The following TCERG1L variants were observed in gnomAD, a reference collection of about 807,000 sequenced individuals.
TCERG1L encodes the protein transcription elongation regulator 1-like protein.
In TCERG1L, 37 loss-of-function variants were observed where a neutral mutation model predicts 56.3. The ratio of observed to expected loss-of-function variants is 0.66; its 90% CI spans 0.51 to 0.87. The LOEUF is 0.87. Ranked by LOEUF, TCERG1L falls within the 40% of genes least tolerant of loss-of-function variation. TCERG1L has a pLI of 0.00. For synonymous variants in TCERG1L, 324 were observed against 326.3 expected (o/e 0.99, Z 0.08); for missense variants, 799 against 774.2 (o/e 1.03, Z -0.38).
chr10:131,310,690 G>C (rs1295621353), intron 1 of TCERG1L, among the ~76,000 whole-genome samples: 6 of 152,168 alleles, frequency 3.9e-5, no homozygotes, highest in Admixed American at 3.3e-4. Flanking sequence ...TGGCATTAGC[G>C]AATGTGGTGG....
At chr10:131,197,495 A>ATT (rs35344621) in intron 4 of TCERG1L, among the ~76,000 whole-genome samples, 3,829 of 150,818 alleles carry the variant, frequency 0.025, 156 homozygotes, top group African/African-American at 0.086. Flanking sequence ...TTTCTCCTCC[A>ATT]TTTTTTTTTC....
In TCERG1L at chr10:131,092,940, G is replaced by C. The variant is rs145300740; in HGVS notation, c.*222C>G. 2.1e-6 allele frequency: 1 copy of C among 476,448 alleles called. No homozygotes were observed. The highest frequency in any genetic ancestry group is 3.7e-6 in the Non-Finnish European group (1 of 271,012). 29.5% of individuals were successfully genotyped at this position (476,448 alleles called of 1,614,324 possible). ...GCATAATTAAAACAATTAAGGGATC[G>C]ACGTATCACGGTGATTAGAAATGCA... On this transcript the variant is annotated 3_prime_UTR_variant, in exon 12 of 12. Coordinates refer to ENST00000368642, the MANE Select transcript of TCERG1L (RefSeq NM_174937.4).
intron 11 of TCERG1L, among the ~76,000 whole-genome samples, chr10:131,097,116 G>A (rs1315703158): frequency 6.8e-6 from 1 of 147,158 alleles, no homozygotes; most frequent in Non-Finnish European, 1.5e-5. Flanking sequence ...AGGGAGAATT[G>A]CTTGAACCCC....
chr10:131,310,680 T>C (rs1846878164), intron 1 of TCERG1L, among the ~76,000 whole-genome samples: 2 of 152,202 alleles, frequency 1.3e-5, no homozygotes, highest in Admixed American at 1.3e-4. Context: ...AAGTGCAGTG[T>C]GGCATTAGCG....
At chr10:131,154,628 C>T (rs1845899942) in intron 6 of TCERG1L, among the ~76,000 whole-genome samples, 1 of 152,228 alleles carries the variant, frequency 6.6e-6, no homozygotes, top group Non-Finnish European at 1.5e-5. Context: ...CTGAGTGGCC[C>T]AGGCCCATCC....
At chr10:131,213,332 G>A (rs2133490424) in intron 4 of TCERG1L, among the ~76,000 whole-genome samples, 1 of 152,324 alleles carries the variant, frequency 6.6e-6, no homozygotes, top group African/African-American at 2.4e-5. Context: ...CTTGAAACCT[G>A]GGACTCACTT....
chr10:131,245,891 T>C (rs1846029927), intron 4 of TCERG1L, among the ~76,000 whole-genome samples: 1 of 151,012 alleles, frequency 6.6e-6, no homozygotes, highest in African/African-American at 2.4e-5. Context: ...AGGCCTCGGG[T>C]GGATGGGAGT....
At chr10:131,310,450 A>G (rs1846874393) in intron 1 of TCERG1L, among the ~76,000 whole-genome samples, 1 of 152,238 alleles carries the variant, frequency 6.6e-6, no homozygotes, top group African/African-American at 2.4e-5. Context: ...AATTAAATTA[A>G]TCAAATGGTG....
At chr10:131,158,848 C>T (rs1409597753) in intron 6 of TCERG1L, among the ~76,000 whole-genome samples, 2 of 152,216 alleles carry the variant, frequency 1.3e-5, no homozygotes, top group Non-Finnish European at 2.9e-5. Flanking sequence ...GGGGAGCGAG[C>T]TCTGGGCTTG....
chr10:131,116,963 C>T (rs574326482), intron 8 of TCERG1L, 29 bp from the exon 9 acceptor site: 2 of 1,596,978 alleles, frequency 1.3e-6, no homozygotes, highest in Non-Finnish European at 1.7e-6. Flanking sequence ...CAGAGTTAGA[C>T]ACACTCGTGG....
intron 6 of TCERG1L, among the ~76,000 whole-genome samples, chr10:131,148,809 G>A (rs1376608941): frequency 1.3e-5 from 2 of 152,066 alleles, no homozygotes; most frequent in South Asian, 2.1e-4. Context: ...TGAGACCTGT[G>A]TCAGACTTCT....
chr10:131,141,165 G>A (rs1018051331), intron 7 of TCERG1L, among the ~76,000 whole-genome samples: 23 of 152,244 alleles, frequency 1.5e-4, no homozygotes, highest in Middle Eastern at 6.8e-3. Context: ...TAATCATAAT[G>A]GGGAACCTCT....
At chr10:131,157,956 AAG>A (rs1197375859) in intron 6 of TCERG1L, among the ~76,000 whole-genome samples, 60 of 152,378 alleles carry the variant, frequency 3.9e-4, no homozygotes, top group African/African-American at 1.4e-3. Flanking sequence ...GCCATTAGAC[AAG>A]AGTGAGTAGA....
chr10:131,305,409 T>G (rs770535417), intron 3 of TCERG1L, among the ~76,000 whole-genome samples: 1 of 152,086 alleles, frequency 6.6e-6, no homozygotes, highest in Non-Finnish European at 1.5e-5. Context: ...CTCTGTGCCA[T>G]GCAGTTCATT....
intron 6 of TCERG1L, among the ~76,000 whole-genome samples, chr10:131,159,242 G>A (rs537296943): frequency 2.3e-4 from 35 of 152,266 alleles, no homozygotes; most frequent in Non-Finnish European, 3.8e-4. Flanking sequence ...GGGACTTACC[G>A]AGCACCGTGG....
rs534893233 is a variant in TCERG1L, at chr10:131,295,367, C to G, written c.670+12844G>C. Among the ~76,000 whole-genome samples, 14 of 152,302 alleles carry G rather than the reference C, an allele frequency of 9.2e-5. 1 individual carries two copies. In the South Asian group the frequency reaches 2.9e-3, roughly 32 times the overall value. On this transcript the variant is annotated intron_variant, in intron 3 of 11. Transcript: ENST00000368642. ...AGAGTGTTAATAACAACCTGCTCAACTGACTTTCAAAGTGACTGTTCCGTG... is the reference window on the plus strand; with the variant it reads ...AGAGTGTTAATAACAACCTGCTCAAGTGACTTTCAAAGTGACTGTTCCGTG...
chr10:131,271,235 A>G (rs969006253), intron 3 of TCERG1L, among the ~76,000 whole-genome samples: 6 of 151,920 alleles, frequency 3.9e-5, no homozygotes, highest in African/African-American at 1.2e-4. Context: ...GAGGGACAGT[A>G]GGGTGGGAGC....
chr10:131,264,027 G>A (rs1309084870), intron 3 of TCERG1L, among the ~76,000 whole-genome samples: 1 of 147,072 alleles, frequency 6.8e-6, no homozygotes. Context: ...CCCCCAGAAG[G>A]GCAATGGGTG....
At chr10:131,190,077 A>G (rs1279921734) in intron 4 of TCERG1L, among the ~76,000 whole-genome samples, 1 of 152,232 alleles carries the variant, frequency 6.6e-6, no homozygotes, top group Non-Finnish European at 1.5e-5. Flanking sequence ...TTTAATTAAC[A>G]ATGAAGCCGG....
Sources: gnomAD v4.1 joint callset for allele counts (sites outside exome capture counted in the v4.1 genomes callset) on GRCh38, gnomAD v4.1.1 for gene constraint, MANE v1.5 for transcripts, NCBI Gene and HGNC (gene_info 2026-07-23, HGNC 2026-07-21) for gene names.